ANK2: variants seen among roughly 807,000 people sequenced by gnomAD.
ANK2 encodes ankyrin-2.
A neutral mutation model predicts 360.5 loss-of-function variants in ANK2; 83 were observed. The observed-to-expected ratio is 0.23, with a 90% CI of 0.19 to 0.28. The LOEUF is 0.28. Ranked by LOEUF, ANK2 falls within the 10% of genes least tolerant of loss-of-function variation. The pLI is 1.00. For synonymous variants in ANK2, 1,740 were observed against 1,759.5 expected (o/e 0.99, Z 0.28); for missense variants, 4,201 against 4,795.7 (o/e 0.88, Z 3.66).
intron 1 of ANK2, chr4:113,151,025 G>A: frequency 4.9e-6 from 6 of 1,230,552 alleles, no homozygotes; most frequent in Non-Finnish European, 6.3e-6. Flanking sequence ...ATGAATTAAT[G>A]ACTAGGAAAT....
chr4:113,021,541 C>CACATATAT (rs1489947974), intron 2 of ANK2, among the ~76,000 whole-genome samples: 1 of 95,570 alleles, frequency 1.0e-5, no homozygotes, highest in Non-Finnish European at 2.3e-5. Context: ...CACACACAAA[C>CACATATAT]ATATATATAT....
chr4:113,136,079 AG>A (rs2096389787), intron 1 of ANK2, among the ~76,000 whole-genome samples: 1 of 152,202 alleles, frequency 6.6e-6, no homozygotes, highest in Non-Finnish European at 1.5e-5. Context: ...TCATATTTTA[AG>A]TATGTGAAGG....
chr4:113,098,307 A>T (rs1284435609), intron 1 of ANK2, among the ~76,000 whole-genome samples: 1 of 152,026 alleles, frequency 6.6e-6, no homozygotes, highest in African/African-American at 2.4e-5. Context: ...ATAAAATTTT[A>T]GTCAAACTAA....
At chr4:113,319,169 G>C (rs77549723) in intron 26 of ANK2, among the ~76,000 whole-genome samples, 4,488 of 152,204 alleles carry the variant, frequency 0.029, 231 homozygotes, top group African/African-American at 0.1. Context: ...TCTTTTTAAA[G>C]TCATTCAGAG....
At chr4:113,236,958 C>G in intron 5 of ANK2, 29 bp from the exon 6 acceptor site, 1 of 1,610,728 alleles carries the variant, frequency 6.2e-7, no homozygotes, top group South Asian at 1.1e-5. Context: ...AAGATGTTAA[C>G]AGACAATTTT....
intron 26 of ANK2, chr4:113,323,861 T>C: frequency 6.8e-7 from 1 of 1,478,736 alleles, no homozygotes; most frequent in Non-Finnish European, 9.3e-7. Context: ...GCCATCTCCT[T>C]CTGCATATTC....
At chr4:112,725,635 C>T in the ANK2 span, among the ~76,000 whole-genome samples, 2 of 152,078 alleles carry the variant, frequency 1.3e-5, no homozygotes, top group African/African-American at 2.4e-5. Flanking sequence ...GCTGGGATTA[C>T]AGGCGTAAGC....
the ANK2 span, among the ~76,000 whole-genome samples, chr4:112,771,793 G>A: frequency 1.3e-5 from 2 of 152,092 alleles, no homozygotes; most frequent in African/African-American, 4.8e-5. Context: ...CACTGCGTTA[G>A]CCAGGATGGT....
At chr4:113,346,835 C>T (rs1463777510) in intron 35 of ANK2, among the ~76,000 whole-genome samples, 1 of 152,176 alleles carries the variant, frequency 6.6e-6, no homozygotes, top group Non-Finnish European at 1.5e-5. Context: ...ATCTCTCCCC[C>T]TCACGTAATT....
intron 1 of ANK2, among the ~76,000 whole-genome samples, chr4:112,833,963 A>C (rs1221422330): frequency 6.6e-6 from 1 of 152,226 alleles, no homozygotes; most frequent in African/African-American, 2.4e-5. Flanking sequence ...TTGTATGACT[A>C]TATATACATA....
chr4:113,318,679 C>A (rs1397614276), intron 26 of ANK2, 59 bp downstream of exon 26: 38 of 1,411,718 alleles, frequency 2.7e-5, no homozygotes, highest in Middle Eastern at 1.8e-4. Flanking sequence ...GGAGTGAAAA[C>A]AACAGCTTTG....
upstream of ANK2, among the ~76,000 whole-genome samples, chr4:113,046,807 T>A (rs1244838727): frequency 6.6e-6 from 1 of 152,164 alleles, no homozygotes; most frequent in Non-Finnish European, 1.5e-5. Flanking sequence ...AATCTGAGAA[T>A]TTACAACCAT....
At chr4:113,154,605 T>C (rs560981044) in intron 1 of ANK2, among the ~76,000 whole-genome samples, 9 of 152,346 alleles carry the variant, frequency 5.9e-5, no homozygotes, top group African/African-American at 2.2e-4. Context: ...AAATATTAGA[T>C]ACTCTCTATA....
At chr4:112,881,585 G>T in intron 1 of ANK2, 1 of 286,906 alleles carries the variant, frequency 3.5e-6, no homozygotes, top group Non-Finnish European at 6.5e-6. Context: ...ATTACATTTA[G>T]CAATCAACAG....
At chr4:112,913,835 TG>T (rs1409006422) in intron 2 of ANK2, among the ~76,000 whole-genome samples, 1 of 152,216 alleles carries the variant, frequency 6.6e-6, no homozygotes, top group Non-Finnish European at 1.5e-5. Context: ...TGAGTCAATT[TG>T]CCATGGAATT....
intron 4 of ANK2, among the ~76,000 whole-genome samples, chr4:113,207,681 C>CAAAGCAAAAAAAAAAAAAAAAAAAAG (rs2098968175): frequency 4.6e-5 from 1 of 21,950 alleles, no homozygotes; most frequent in Admixed American, 4.5e-4. Context: ...GCAAGGATCA[C>CAAAGCAAAAAAAAAAAAAAAAAAAAG]AAAGCAAAAA....
chr4:113,255,240 G>A (rs910698822), intron 10 of ANK2, among the ~76,000 whole-genome samples: 1 of 152,096 alleles, frequency 6.6e-6, no homozygotes, highest in Non-Finnish European at 1.5e-5. Context: ...TAGGTAAAAG[G>A]AATTGTAAAA....
intron 1 of ANK2, among the ~76,000 whole-genome samples, chr4:113,133,120 T>A (rs1178731774): frequency 6.6e-6 from 1 of 152,222 alleles, no homozygotes; most frequent in Admixed American, 6.5e-5. Flanking sequence ...CTAGATATAG[T>A]TGAAAGTATA....
intron 2 of ANK2, among the ~76,000 whole-genome samples, chr4:113,004,130 C>T (rs1180103803): frequency 6.6e-6 from 1 of 152,174 alleles, no homozygotes; most frequent in Admixed American, 6.5e-5. Flanking sequence ...ATGTTGACTT[C>T]ACAAACACTG....
Sources: allele counts gnomAD v4.1 joint callset (sites outside exome capture counted in the v4.1 genomes callset), GRCh38; gene constraint gnomAD v4.1.1; transcripts MANE v1.5; gene names NCBI Gene and HGNC (gene_info 2026-07-23, HGNC 2026-07-21).